SMOX: variants seen among roughly 807,000 people sequenced by gnomAD.
SMOX encodes spermine oxidase.
Under a neutral mutation model 51.0 loss-of-function variants are expected in SMOX, and 22 were observed. That is an observed-to-expected ratio of 0.43 (90% CI 0.31 to 0.62). SMOX has a LOEUF of 0.62. SMOX is among the 20% of genes least tolerant of loss of function. SMOX has a pLI of 0.10. For synonymous variants in SMOX, 282 were observed against 307.8 expected, an observed-to-expected ratio of 0.92 and a Z score of 0.88; for missense variants, 566 against 777.7, an observed-to-expected ratio of 0.73 and a Z score of 3.24.
chr20:4,187,585 C>A lies in SMOX; in HGVS notation c.*178C>A. 1 of 908,396 alleles carries A rather than the reference C, an allele frequency of 1.1e-6. No homozygotes were observed. Among genetic ancestry groups the A allele is most frequent in the Non-Finnish European group, 1.6e-6 (1 of 627,002 alleles). The allele number at this position is 908,396 out of a possible 1,614,324, so 56.3% of individuals were successfully genotyped here. On this transcript the variant is annotated 3_prime_UTR_variant, in exon 7 of 7. Transcript: ENST00000305958. The surrounding 1 kb of genome is among the most constrained non-coding windows in gnomAD (Gnocchi z 4.8). ...GCTTTTCTTTTTCTCCAGGCTGGGC[C>A]GTGAGCAGGTGGGCCGTTGAGTTAC... is the stretch of plus-strand genomic sequence containing the variant.
At chr20:4,160,874 C>T (rs1322560348) in intron 1 of SMOX, among the ~76,000 whole-genome samples, 1 of 152,136 alleles carries the variant, frequency 6.6e-6, no homozygotes, top group African/African-American at 2.4e-5. Flanking sequence ...GCACAGGTCC[C>T]AGGCTGGGCA....
Position 4,187,204 on chromosome 20 carries a change from G to A in SMOX, c.1531-66G>A, listed in dbSNP as rs550253993. ...GGGATGGGAGGTTCTGGTGGAGAGGGGTGGCCTTGTGGCCTTCTGGCCTTT... is the reference window on the plus strand; with the variant it reads ...GGGATGGGAGGTTCTGGTGGAGAGGAGTGGCCTTGTGGCCTTCTGGCCTTT... On this transcript the variant is annotated intron_variant, in intron 6 of 6. Coordinates refer to ENST00000305958, the MANE Select transcript of SMOX (RefSeq NM_175839.3). This position sits in a 1 kb window ranked among gnomAD's most constrained non-coding sequence, Gnocchi z 4.8. 6.5e-7 allele frequency: 1 copy of A among 1,543,400 alleles called. No homozygotes were observed. Among genetic ancestry groups the A allele is most frequent in the Non-Finnish European group, 8.8e-7 (1 of 1,140,014 alleles).
chr20:4,159,321 A>G (rs1275034455), intron 1 of SMOX, among the ~76,000 whole-genome samples: 1 of 152,190 alleles, frequency 6.6e-6, no homozygotes, highest in African/African-American at 2.4e-5. Context: ...TATGTTGGCC[A>G]GGCTGGTCTC....
In SMOX at chr20:4,182,706, C is replaced by T. The variant is rs747789987; in HGVS notation, c.1227C>T (p.Cys409=). The T allele has an allele frequency of 3.2e-5, 52 of 1,614,090 alleles. No individual in the cohort carries two copies. In the East Asian group the frequency reaches 9.8e-4, roughly 30 times the overall value. Residue 409 remains cysteine (C), a synonymous_variant, in exon 5 of 7, where the codon TGC becomes TGT. Coordinates refer to ENST00000305958, the MANE Select transcript of SMOX (RefSeq NM_175839.3). The surrounding 1 kb of genome is among the most constrained non-coding windows in gnomAD (Gnocchi z 8.4). Reference sequence around the variant, plus strand: ...CTGAGCTCTGGTACCGCAAGATCTGCGGCTTTGATGTCCTCTACCCGCCTG... The same window carrying T: ...CTGAGCTCTGGTACCGCAAGATCTGTGGCTTTGATGTCCTCTACCCGCCTG... ...YPPELWYRKI[C]GFDVLYPPER... is the part of the protein sequence containing the mutation.
At position 4,183,482 on chromosome 20, in the gene SMOX, A is replaced by C. The variant is rs111802139; in HGVS notation, c.1370-12A>C. On this transcript the variant is annotated splice_polypyrimidine_tract_variant and intron_variant, in intron 5 of 6. Coordinates refer to ENST00000305958, the MANE Select transcript of SMOX (RefSeq NM_175839.3). The surrounding 1 kb of genome is among the most constrained non-coding windows in gnomAD (Gnocchi z 4.3). ...ATCCTCCCTCCTCTTGGCTTTTCTG[A>C]CTCTCCATCAGGGAACCCCAACATT... 23 of 1,613,236 alleles carry C rather than the reference A, an allele frequency of 1.4e-5. No individual in the cohort carries two copies. Among genetic ancestry groups the C allele is most frequent in the Non-Finnish European group, 1.9e-5 (23 of 1,179,866 alleles).
intron 1 of SMOX, among the ~76,000 whole-genome samples, chr20:4,150,101 A>G (rs1030453647): frequency 3.9e-5 from 6 of 152,140 alleles, no homozygotes; most frequent in Admixed American, 6.5e-5. Flanking sequence ...AGTGGCTTCT[A>G]TTCCCCTGGA....
Position 4,183,779 on chromosome 20 carries a change from A to G in SMOX, c.1530+125A>G. The G allele has an allele frequency of 1.8e-6, 2 of 1,102,416 alleles. No individual in the cohort carries two copies. The highest frequency in any genetic ancestry group is 2.1e-5 in the South Asian group (1 of 48,610). 68.3% of individuals were successfully genotyped at this position (1,102,416 alleles called of 1,614,324 possible). On this transcript the variant is annotated intron_variant, in intron 6 of 6. Transcript: ENST00000305958. The surrounding 1 kb of genome is among the most constrained non-coding windows in gnomAD (Gnocchi z 4.3). ...TGCTCAGGTGAGGCAGGGATGGAGT[A>G]GCTTCTGTAATGAGAGAGAACACAA... is the stretch of plus-strand genomic sequence containing the variant.
In SMOX at chr20:4,183,524, T is replaced by C. The variant is rs1979507176; in HGVS notation, c.1400T>C (p.Ile467Thr). 6.2e-7 allele frequency: 1 copy of C among 1,614,122 alleles called. No homozygotes were observed. Among genetic ancestry groups the C allele is most frequent in the Non-Finnish European group, 8.5e-7 (1 of 1,180,042 alleles). Residue 467 changes from isoleucine to threonine, a missense_variant, in exon 6 of 7, where the codon ATC (isoleucine) becomes ACC (threonine). Physicochemically the swap from Ile to Thr is moderately conservative, Grantham distance 89. This residue lies in a region of SMOX where 347 missense variants were observed against 481.8 expected (regional missense o/e 0.72). Transcript: ENST00000305958. This position sits in a 1 kb window ranked among gnomAD's most constrained non-coding sequence, Gnocchi z 4.3. ...CCCAACATTCCAAAACCTCGGCGAATCTTGCGCTCGGCCTGGGGCAGCAAC... is the reference window on the plus strand; with the variant it reads ...CCCAACATTCCAAAACCTCGGCGAACCTTGCGCTCGGCCTGGGGCAGCAAC... ...GNPNIPKPRR[I>T]LRSAWGSNPY...
intron 1 of SMOX, among the ~76,000 whole-genome samples, chr20:4,158,293 C>T (rs1238462089): frequency 2.0e-5 from 3 of 152,124 alleles, no homozygotes; most frequent in Non-Finnish European, 4.4e-5. Flanking sequence ...GTGGGGCATG[C>T]TCAGTGGATT....
At chr20:4,158,435 T>A (rs1339903579) in intron 1 of SMOX, among the ~76,000 whole-genome samples, 1 of 152,182 alleles carries the variant, frequency 6.6e-6, no homozygotes, top group African/African-American at 2.4e-5. Flanking sequence ...GCATCTGGAT[T>A]CAGGTGGAGC....
chr20:4,186,931 G>A, intron 6 of SMOX: 6 of 686,224 alleles, frequency 8.7e-6, no homozygotes, highest in South Asian at 4.8e-5. Flanking sequence ...ACCACCCTCC[G>A]AAGTAGGTGG....
chr20:4,180,480 G>A (rs1312102442), intron 3 of SMOX, among the ~76,000 whole-genome samples: 3 of 152,210 alleles, frequency 2.0e-5, no homozygotes, highest in African/African-American at 2.4e-5. Flanking sequence ...ACAGGGGCTC[G>A]ACCAAGGAGC....
rs1978480458 is a variant in SMOX, at chr20:4,172,515, ATCTCT to A, written c.-26-2514_-26-2510del. 2.0e-5 allele frequency among the ~76,000 whole-genome samples: 3 copies of A among 152,094 alleles called. No individual in the cohort carries two copies. In the South Asian group the frequency reaches 6.2e-4, roughly 32 times the overall value. ...TCTCGGGAGGGAGGCAGGACCTAGC[ATCTCT>A]GGGGCGAGGGAGGAGAGGGACGGGA... On this transcript the variant is annotated intron_variant, in intron 1 of 6. Transcript: ENST00000305958. The surrounding 1 kb of genome is among the most constrained non-coding windows in gnomAD (Gnocchi z 7.7).
chr20:4,161,016 G>T (rs1249269332), intron 1 of SMOX, among the ~76,000 whole-genome samples: 1 of 152,232 alleles, frequency 6.6e-6, no homozygotes, highest in Admixed American at 6.5e-5. Flanking sequence ...ACTGCGCCCG[G>T]CTGAGCTCAC....
At chr20:4,176,568 G>A (rs1490095025) in intron 2 of SMOX, among the ~76,000 whole-genome samples, 5 of 152,142 alleles carry the variant, frequency 3.3e-5, no homozygotes, top group Non-Finnish European at 2.9e-5. Context: ...CATTGTTTCG[G>A]CTTCCCTGGG....
intron 1 of SMOX, among the ~76,000 whole-genome samples, chr20:4,162,024 G>A (rs1300454029): frequency 6.6e-6 from 1 of 152,182 alleles, no homozygotes; most frequent in Non-Finnish European, 1.5e-5. Flanking sequence ...TGTCTCCAGC[G>A]CCTGTGCCTG....
At chr20:4,184,651 C>T (rs1372580237) in intron 6 of SMOX, among the ~76,000 whole-genome samples, 2 of 152,130 alleles carry the variant, frequency 1.3e-5, no homozygotes, top group African/African-American at 2.4e-5. Context: ...GTTCAGTCAA[C>T]CAGCATCTAC....
intron 3 of SMOX, among the ~76,000 whole-genome samples, chr20:4,178,080 C>T (rs1035075786): frequency 3.3e-5 from 5 of 152,180 alleles, no homozygotes; most frequent in Non-Finnish European, 5.9e-5. Flanking sequence ...CTCGCTCTGT[C>T]GTCCAGGCTG....
chr20:4,162,846 G>A (rs1264283519), intron 1 of SMOX, among the ~76,000 whole-genome samples: 2 of 152,324 alleles, frequency 1.3e-5, no homozygotes, highest in East Asian at 3.9e-4. Context: ...GTCCTCCAAG[G>A]GAGCAGTCCC....
Sources: allele counts gnomAD v4.1 joint callset (sites outside exome capture counted in the v4.1 genomes callset), GRCh38; gene constraint gnomAD v4.1.1; regional missense constraint gnomAD v4.1.1; non-coding constraint Gnocchi (gnomAD v3.1); transcripts MANE v1.5; gene names NCBI Gene and HGNC (gene_info 2026-07-23, HGNC 2026-07-21).